The following OSBPL2 variants were observed in gnomAD, a reference collection of about 807,000 sequenced individuals.
OSBPL2 encodes the protein oxysterol binding protein like 2.
In OSBPL2, 18 loss-of-function variants were observed where a neutral mutation model predicts 58.4. That is an observed-to-expected ratio of 0.31 (90% CI 0.21 to 0.46). OSBPL2 has a LOEUF of 0.46. Among genes scored for constraint, OSBPL2 ranks in the 20% least tolerant of loss-of-function variants. OSBPL2 has a pLI of 1.00. For synonymous variants in OSBPL2, 221 were observed against 234.1 expected, an observed-to-expected ratio of 0.94 and a Z score of 0.51; for missense variants, 461 against 616.5, an observed-to-expected ratio of 0.75 and a Z score of 2.67.
At chr20:62,260,925 G>A (rs1168098360) in intron 3 of OSBPL2, among the ~76,000 whole-genome samples, 1 of 152,126 alleles carries the variant, frequency 6.6e-6, no homozygotes, top group African/African-American at 2.4e-5. Flanking sequence ...AGAAGTTCGA[G>A]GCTATGGTGA....
intron 3 of OSBPL2, among the ~76,000 whole-genome samples, chr20:62,261,547 T>C (rs1302788306): frequency 1.3e-5 from 2 of 152,184 alleles, no homozygotes; most frequent in Non-Finnish European, 2.9e-5. Flanking sequence ...ACCTGTTGTT[T>C]GTTCGTTCTC....
chr20:62,251,370 T>C (rs1251176882), intron 1 of OSBPL2, among the ~76,000 whole-genome samples: 1 of 151,284 alleles, frequency 6.6e-6, no homozygotes, highest in East Asian at 2.0e-4. Flanking sequence ...TTTTTTTTTT[T>C]TAGGGTTCTC....
At chr20:62,254,755 C>T (rs991700837) in intron 1 of OSBPL2, among the ~76,000 whole-genome samples, 1 of 151,946 alleles carries the variant, frequency 6.6e-6, no homozygotes. Context: ...TTTTGGCTTC[C>T]TTCTCTTGTC....
chr20:62,291,612 G>C, intron 12 of OSBPL2, 91 bp from the exon 13 acceptor site: 2 of 1,049,500 alleles, frequency 1.9e-6, no homozygotes, highest in African/African-American at 1.6e-5. Context: ...GCCACAGTGA[G>C]ACATGCCAAC....
At chr20:62,246,474 T>C (rs1422340448) in intron 1 of OSBPL2, among the ~76,000 whole-genome samples, 2 of 152,228 alleles carry the variant, frequency 1.3e-5, no homozygotes, top group African/African-American at 2.4e-5. Flanking sequence ...AGAAACGAGA[T>C]TGTGGCCTGG....
chr20:62,240,344 C>T (rs376623312), intron 1 of OSBPL2, among the ~76,000 whole-genome samples: 1 of 152,258 alleles, frequency 6.6e-6, no homozygotes, highest in East Asian at 1.9e-4. Flanking sequence ...ATAGAATTTA[C>T]CCTGTTTTCT....
At chr20:62,280,178 AATAC>A (rs983203234) in intron 7 of OSBPL2, 46 of 1,163,354 alleles carry the variant, frequency 4.0e-5, no homozygotes, top group Admixed American at 1.6e-4. Context: ...GGTCCTAACA[AATAC>A]ATACAGAAAT....
At chr20:62,277,990 G>A (rs1982494194) in intron 6 of OSBPL2, among the ~76,000 whole-genome samples, 1 of 152,158 alleles carries the variant, frequency 6.6e-6, no homozygotes, top group East Asian at 1.9e-4. Context: ...GAGTTCCTGG[G>A]CAATGGGAGT....
intron 4 of OSBPL2, among the ~76,000 whole-genome samples, chr20:62,267,315 C>T (rs1039608400): frequency 6.6e-6 from 1 of 152,186 alleles, no homozygotes. Flanking sequence ...CTAGTTGGAG[C>T]TGTGCCAACA....
At chr20:62,267,015 T>C (rs1332094912) in intron 4 of OSBPL2, among the ~76,000 whole-genome samples, 2 of 152,220 alleles carry the variant, frequency 1.3e-5, no homozygotes, top group Non-Finnish European at 2.9e-5. Flanking sequence ...TGTCAGAGGC[T>C]GAGGCGAGAG....
intron 12 of OSBPL2, among the ~76,000 whole-genome samples, chr20:62,290,576 C>T (rs538050918): frequency 5.3e-4 from 80 of 151,868 alleles, no homozygotes; most frequent in Admixed American, 2.6e-3. Flanking sequence ...CCTGCCACCA[C>T]GCCCGGTTAA....
chr20:62,239,098 C>T (rs1979542482), intron 1 of OSBPL2: 1 of 152,258 alleles, frequency 6.6e-6, no homozygotes, highest in African/African-American at 2.4e-5. Context: ...GGAAGAAGGG[C>T]AGGGAGACGC....
At chr20:62,270,074 C>A (rs931854464) in intron 4 of OSBPL2, among the ~76,000 whole-genome samples, 25 of 152,218 alleles carry the variant, frequency 1.6e-4, no homozygotes, top group Non-Finnish European at 3.7e-4. Context: ...TTGGGAACCT[C>A]GCGGCCCAGG....
chr20:62,273,176 G>A lies in OSBPL2; in HGVS notation c.394-133G>A, dbSNP rs982468578. ...TCCTATAATCTCAGACACACTGCTCGGGGAAAACTGAAAACGCACACGGAA... is the reference window on the plus strand; with the variant it reads ...TCCTATAATCTCAGACACACTGCTCAGGGAAAACTGAAAACGCACACGGAA... On this transcript the variant is annotated intron_variant, in intron 5 of 13. Transcript: ENST00000313733. 101 of 724,606 alleles carry A rather than the reference G, an allele frequency of 1.4e-4. 1 individual carries two copies. In the East Asian group the frequency reaches 2.4e-3, roughly 17 times the overall value. 44.9% of individuals were successfully genotyped at this position (724,606 alleles called of 1,614,324 possible).
rs771732230 is a variant in OSBPL2 at position 62,273,291 on chromosome 20, C to A, written c.394-18C>A. The A allele has an allele frequency of 1.9e-6, 3 of 1,601,704 alleles. No individual in the cohort carries two copies. Among genetic ancestry groups the A allele is most frequent in the Non-Finnish European group, 2.6e-6 (3 of 1,173,070 alleles). Reference sequence around the variant, plus strand: ...CCTAACTGAAGCTGTGCCTGTCCCCCCCGTGGATTATTTACAGTCTGTGGC... The same window carrying A: ...CCTAACTGAAGCTGTGCCTGTCCCCACCGTGGATTATTTACAGTCTGTGGC... On this transcript the variant is annotated intron_variant, in intron 5 of 13. Coordinates refer to ENST00000313733, the MANE Select transcript of OSBPL2 (RefSeq NM_144498.4).
rs1479761329 is a variant in OSBPL2, at chr20:62,288,491, T to C, written c.1126-716T>C. On this transcript the variant is annotated intron_variant, in intron 11 of 13. Coordinates refer to ENST00000313733, the MANE Select transcript of OSBPL2 (RefSeq NM_144498.4). The surrounding 1 kb of genome is among the most constrained non-coding windows in gnomAD (Gnocchi z 4.8). ...GGCCGGAGGCTGTGGGTGCAGAGGCTGGGAGGCTGTGGGTGCAGAGGCCGG... is the reference window on the plus strand; with the variant it reads ...GGCCGGAGGCTGTGGGTGCAGAGGCCGGGAGGCTGTGGGTGCAGAGGCCGG... Among the ~76,000 whole-genome samples, 1 of 121,818 alleles carries C rather than the reference T, an allele frequency of 8.2e-6. No homozygotes were observed. The highest frequency in any genetic ancestry group is 3.2e-5 in the African/African-American group (1 of 30,774). 79.9% of individuals were successfully genotyped at this position (121,818 alleles called of 152,430 possible).
chr20:62,268,600 A>C (rs1033566972), intron 4 of OSBPL2, among the ~76,000 whole-genome samples: 7 of 152,096 alleles, frequency 4.6e-5, no homozygotes, highest in Non-Finnish European at 8.8e-5. Context: ...CTATTTATTT[A>C]TTTATTATTT....
At chr20:62,252,331 CCTT>C (rs934576982) in intron 1 of OSBPL2, among the ~76,000 whole-genome samples, 1 of 152,156 alleles carries the variant, frequency 6.6e-6, no homozygotes, top group African/African-American at 2.4e-5. Context: ...CCTTCCCTCT[CCTT>C]CTCTCTTTCT....
At chr20:62,257,603 G>T (rs753945825) in intron 2 of OSBPL2, among the ~76,000 whole-genome samples, 3 of 152,118 alleles carry the variant, frequency 2.0e-5, no homozygotes, top group Non-Finnish European at 4.4e-5. Flanking sequence ...GGGATGCCAC[G>T]TCTGTCACAG....
Sources: allele counts gnomAD v4.1 joint callset (sites outside exome capture counted in the v4.1 genomes callset), GRCh38; gene constraint gnomAD v4.1.1; non-coding constraint Gnocchi (gnomAD v3.1); transcripts MANE v1.5; gene names NCBI Gene and HGNC (gene_info 2026-07-23, HGNC 2026-07-21).